SKAP1: variants seen among roughly 807,000 people sequenced by gnomAD.
The protein encoded by SKAP1 is src kinase-associated phosphoprotein 1.
SKAP1 carries 44 observed loss-of-function variants against 58.5 expected under a neutral mutation model. The ratio of observed to expected loss-of-function variants is 0.75; its 90% CI spans 0.59 to 0.97. SKAP1 has a LOEUF of 0.97. Ranked by LOEUF, SKAP1 falls within the 50% of genes least tolerant of loss-of-function variation. SKAP1 has a pLI of 0.00. For synonymous variants in SKAP1, 127 were observed against 149.7 expected, an observed-to-expected ratio of 0.85 and a Z score of 1.11; for missense variants, 390 against 435.2, an observed-to-expected ratio of 0.90 and a Z score of 0.92.
intron 3 of SKAP1, among the ~76,000 whole-genome samples, chr17:48,347,246 C>T (rs544749601): frequency 1.3e-5 from 2 of 152,312 alleles, no homozygotes; most frequent in African/African-American, 4.8e-5. Flanking sequence ...GGATTTTCAA[C>T]TGAATTTAAT....
intron 2 of SKAP1, among the ~76,000 whole-genome samples, chr17:48,395,801 A>T (rs2067411058): frequency 1.3e-5 from 2 of 152,214 alleles, no homozygotes; most frequent in African/African-American, 4.8e-5. Context: ...GTTCTCTCAC[A>T]TTCCTGAATG....
intron 9 of SKAP1, among the ~76,000 whole-genome samples, chr17:48,174,108 G>A (rs1462407113): frequency 1.3e-5 from 2 of 152,026 alleles, no homozygotes; most frequent in Admixed American, 6.6e-5. Flanking sequence ...TTCCAGACCA[G>A]TTACTCTTGA....
intron 4 of SKAP1, among the ~76,000 whole-genome samples, chr17:48,329,656 G>A (rs191696524): frequency 6.6e-6 from 1 of 152,184 alleles, no homozygotes; most frequent in Non-Finnish European, 1.5e-5. Flanking sequence ...GCAGTGAGCC[G>A]AGATCGGGCC....
In SKAP1 at chr17:48,170,490, A is replaced by G. The variant is rs2064193698; in HGVS notation, c.877+119T>C. Reference sequence around the variant, plus strand: ...TTATTTAGGGCTTTGGGGTTCACACACAGGTACCCTCTTAATTATTGAGTT... The same window carrying G: ...TTATTTAGGGCTTTGGGGTTCACACGCAGGTACCCTCTTAATTATTGAGTT... On this transcript the variant is annotated intron_variant, in intron 10 of 12. Transcript: ENST00000336915. 7 of 863,218 alleles carry G rather than the reference A, an allele frequency of 8.1e-6. No homozygotes were observed. In the South Asian group the frequency reaches 1.0e-4, roughly 12 times the overall value. 53.5% of individuals were successfully genotyped at this position (863,218 alleles called of 1,614,324 possible).
At chr17:48,399,283 TATATC>T (rs1459824266) in intron 1 of SKAP1, among the ~76,000 whole-genome samples, 27 of 152,148 alleles carry the variant, frequency 1.8e-4, no homozygotes, top group Non-Finnish European at 4.4e-5. Context: ...ATTTATGTAA[TATATC>T]ATAACAATAG....
chr17:48,334,343 A>G (rs2066540758), intron 4 of SKAP1, among the ~76,000 whole-genome samples: 1 of 152,012 alleles, frequency 6.6e-6, no homozygotes, highest in Non-Finnish European at 1.5e-5. Context: ...CCAATAGCCA[A>G]GTAAAGACAG....
chr17:48,397,214 A>G (rs1207102195), intron 1 of SKAP1: 1 of 154,572 alleles, frequency 6.5e-6, no homozygotes, highest in Non-Finnish European at 1.4e-5. Flanking sequence ...CAGAGAATGG[A>G]CTGTAAATTT....
At position 48,201,512 on chromosome 17, in the gene SKAP1, A is replaced by T. The variant is rs189036580; in HGVS notation, c.281-12012T>A. On this transcript the variant is annotated intron_variant, in intron 4 of 12. Coordinates refer to ENST00000336915, the MANE Select transcript of SKAP1 (RefSeq NM_003726.4). Reference sequence around the variant, plus strand: ...CCCTCCTGCCCTCAGCCTCCCAAGTAGCTTGGACTACTTGGTGTGCACCGC... The same window carrying T: ...CCCTCCTGCCCTCAGCCTCCCAAGTTGCTTGGACTACTTGGTGTGCACCGC... Among the ~76,000 whole-genome samples the T allele has an allele frequency of 9.5e-4, 145 of 152,076 alleles. 1 individual carries two copies. The highest frequency in any genetic ancestry group is 2.8e-3 in the African/African-American group (115 of 41,482).
intron 4 of SKAP1, among the ~76,000 whole-genome samples, chr17:48,215,359 T>G (rs1274357412): frequency 6.6e-6 from 1 of 152,216 alleles, no homozygotes; most frequent in Non-Finnish European, 1.5e-5. Context: ...GAAACCTCTA[T>G]GTTGGCCATA....
At chr17:48,286,124 A>T (rs2065827306) in intron 4 of SKAP1, among the ~76,000 whole-genome samples, 1 of 152,224 alleles carries the variant, frequency 6.6e-6, no homozygotes, top group Admixed American at 6.5e-5. Context: ...CAAATGCTTG[A>T]TGAAAGGAGA....
At chr17:48,185,867 C>A (rs1271292397) in intron 6 of SKAP1, 2 of 152,238 alleles carry the variant, frequency 1.3e-5, no homozygotes, top group African/African-American at 2.4e-5. Flanking sequence ...ACACCAGAAT[C>A]TTTTTTGTTA....
intron 4 of SKAP1, among the ~76,000 whole-genome samples, chr17:48,213,100 G>A (rs2064894028): frequency 6.6e-6 from 1 of 152,154 alleles, no homozygotes; most frequent in African/African-American, 2.4e-5. Flanking sequence ...CCAGCACTTT[G>A]GGAGGCTGAG....
intron 2 of SKAP1, among the ~76,000 whole-genome samples, chr17:48,365,250 C>G (rs1229991164): frequency 6.6e-6 from 1 of 152,076 alleles, no homozygotes; most frequent in African/African-American, 2.4e-5. Context: ...ATCCAGCAAC[C>G]CTTGAAGTCT....
At position 48,137,348 on chromosome 17, in the gene SKAP1, A is replaced by G; in HGVS notation, c.979-11T>C. 6.4e-7 allele frequency: 1 copy of G among 1,569,850 alleles called. No homozygotes were observed. The highest frequency in any genetic ancestry group is 8.8e-7 in the Non-Finnish European group (1 of 1,139,822). On this transcript the variant is annotated splice_polypyrimidine_tract_variant and intron_variant, in intron 11 of 12. Transcript: ENST00000336915. ...ATACATGTTATACTCCTGAAAAGTG[A>G]AAAGAGGATAGCGTCAGTTAGAATT... is the stretch of plus-strand genomic sequence containing the variant.
intron 4 of SKAP1, among the ~76,000 whole-genome samples, chr17:48,329,502 C>T (rs980168887): frequency 6.6e-6 from 1 of 152,114 alleles, no homozygotes; most frequent in Admixed American, 6.5e-5. Flanking sequence ...GTCAGGAGTT[C>T]GAGATCAGCC....
At chr17:48,286,140 T>C (rs1248103953) in intron 4 of SKAP1, among the ~76,000 whole-genome samples, 1 of 152,148 alleles carries the variant, frequency 6.6e-6, no homozygotes, top group East Asian at 1.9e-4. Context: ...GGAGAAAACA[T>C]AGAAACAAAC....
intron 11 of SKAP1, among the ~76,000 whole-genome samples, chr17:48,148,734 G>A (rs924355443): frequency 4.6e-5 from 7 of 152,116 alleles, no homozygotes; most frequent in Non-Finnish European, 8.8e-5. Context: ...AAAGTGCAAT[G>A]GGGAGGGGGT....
intron 4 of SKAP1, among the ~76,000 whole-genome samples, chr17:48,254,619 G>A (rs1037356712): frequency 2.0e-5 from 3 of 150,090 alleles, no homozygotes; most frequent in African/African-American, 7.4e-5. Flanking sequence ...CTTTTCAATG[G>A]TGTTCATGGA....
intron 9 of SKAP1, among the ~76,000 whole-genome samples, chr17:48,171,928 C>T (rs1241779466): frequency 1.3e-5 from 2 of 151,966 alleles, no homozygotes; most frequent in Admixed American, 6.6e-5. Flanking sequence ...GGGCCTGTGG[C>T]GGGCGCCTGT....
Sources: allele counts gnomAD v4.1 joint callset (sites outside exome capture counted in the v4.1 genomes callset), GRCh38; gene constraint gnomAD v4.1.1; transcripts MANE v1.5; gene names NCBI Gene and HGNC (gene_info 2026-07-23, HGNC 2026-07-21).